PEPD: variants seen among roughly 807,000 people sequenced by gnomAD.
PEPD encodes peptidase D, also known as xaa-Pro dipeptidase.
Under a neutral mutation model 60.7 loss-of-function variants are expected in PEPD, and 53 were observed. That is an observed-to-expected ratio of 0.87 (90% confidence interval 0.70 to 1.10). The LOEUF (loss-of-function observed/expected upper bound fraction) is 1.10. PEPD is among the 50% of genes least tolerant of loss of function. The probability of loss-of-function intolerance (pLI) is 0.00; values close to 1 mark genes in which losing one functional copy is unlikely to be tolerated. For missense variants in PEPD, 711 were observed against 711.9 expected (o/e 1.00, Z 0.01); for synonymous variants, 267 against 284.1 (o/e 0.94, Z 0.60).
intron 6 of PEPD, 78 bp downstream of exon 6, chr19:33,489,918 G>C: frequency 1.2e-6 from 1 of 841,470 alleles, no homozygotes; most frequent in African/African-American, 1.7e-5. Context: ...TGTCTTATTT[G>C]TAGACCGGGA....
intron 11 of PEPD, among the ~76,000 whole-genome samples, chr19:33,408,499 C>G (rs1160508862): frequency 6.6e-6 from 1 of 152,214 alleles, no homozygotes; most frequent in African/African-American, 2.4e-5. Context: ...GGGGAGTGCT[C>G]ATATCTGGGA....
At chr19:33,443,737 AG>A (rs1969531797) in intron 9 of PEPD, among the ~76,000 whole-genome samples, 1 of 152,220 alleles carries the variant, frequency 6.6e-6, no homozygotes, top group Non-Finnish European at 1.5e-5. Context: ...TCTGACAGGC[AG>A]GTGCAGGGTG....
intron 11 of PEPD, among the ~76,000 whole-genome samples, chr19:33,410,362 C>A (rs1377964728): frequency 2.0e-5 from 3 of 152,142 alleles, no homozygotes; most frequent in Non-Finnish European, 4.4e-5. Context: ...GCAGGGAGGA[C>A]CCCGAGACTG....
intron 6 of PEPD, among the ~76,000 whole-genome samples, chr19:33,487,897 C>A (rs918777965): frequency 2.6e-5 from 4 of 151,974 alleles, no homozygotes; most frequent in Non-Finnish European, 5.9e-5. Flanking sequence ...GGGGGTAGAA[C>A]GAGACCTTTG....
intron 9 of PEPD, among the ~76,000 whole-genome samples, chr19:33,447,954 G>A (rs372866301): frequency 8.1e-4 from 124 of 152,278 alleles, no homozygotes; most frequent in African/African-American, 2.9e-3. Flanking sequence ...GCCTGCTGTC[G>A]GAGTATCTAA....
chr19:33,422,914 T>C (rs1969059935), intron 9 of PEPD, among the ~76,000 whole-genome samples: 1 of 152,012 alleles, frequency 6.6e-6, no homozygotes, highest in African/African-American at 2.4e-5. Flanking sequence ...TATTTCTGTA[T>C]CTACCTACGT....
intron 4 of PEPD, among the ~76,000 whole-genome samples, chr19:33,498,396 G>C (rs548209776): frequency 6.6e-6 from 1 of 152,270 alleles, no homozygotes; most frequent in African/African-American, 2.4e-5. Flanking sequence ...TAACACTCAA[G>C]GTGGCCTGTC....
intron 10 of PEPD, among the ~76,000 whole-genome samples, chr19:33,412,164 C>T (rs984683932): frequency 2.0e-5 from 3 of 152,094 alleles, no homozygotes; most frequent in African/African-American, 7.2e-5. Flanking sequence ...GGCAACATGG[C>T]GAAACCCTAC....
At chr19:33,405,526 A>C (rs4805881) in intron 11 of PEPD, among the ~76,000 whole-genome samples, 104,372 of 152,204 alleles carry the variant, frequency 0.69, 36,683 homozygotes, top group African/African-American at 0.83. Flanking sequence ...AGCAGGAAGC[A>C]CTTGCTTCTC....
At chr19:33,514,646 C>T (rs1970993226) in intron 1 of PEPD, among the ~76,000 whole-genome samples, 2 of 151,864 alleles carry the variant, frequency 1.3e-5, no homozygotes, top group African/African-American at 4.8e-5. Flanking sequence ...CAACGACAGG[C>T]ACATGAGGCT....
chr19:33,425,242 C>T (rs997793579), intron 9 of PEPD, among the ~76,000 whole-genome samples: 3 of 152,072 alleles, frequency 2.0e-5, no homozygotes, highest in South Asian at 2.1e-4. Context: ...TGGTGGCACA[C>T]ATCTGTAATG....
At chr19:33,488,212 T>A (rs1415073896) in intron 6 of PEPD, among the ~76,000 whole-genome samples, 3 of 152,122 alleles carry the variant, frequency 2.0e-5, no homozygotes, top group East Asian at 1.9e-4. Context: ...ATGGGGAGAC[T>A]GAGGCACAGA....
intron 5 of PEPD, among the ~76,000 whole-genome samples, 158 bp from the exon 6 acceptor site, chr19:33,490,215 G>A (rs1970473306): frequency 6.6e-6 from 1 of 152,130 alleles, no homozygotes; most frequent in South Asian, 2.1e-4. Context: ...CTCCAGGCCC[G>A]GCCCCAACAC....
chr19:33,422,221 C>T (rs1022381912), intron 9 of PEPD, among the ~76,000 whole-genome samples: 1 of 152,128 alleles, frequency 6.6e-6, no homozygotes, highest in African/African-American at 2.4e-5. Flanking sequence ...CTCTCTCTCC[C>T]CCTTCAGGTC....
intron 9 of PEPD, among the ~76,000 whole-genome samples, chr19:33,441,352 G>C (rs1969476580): frequency 6.6e-6 from 1 of 152,222 alleles, no homozygotes; most frequent in African/African-American, 2.4e-5. Flanking sequence ...TTATCAGCCA[G>C]CCCAGTAGTG....
chr19:33,515,068 C>T (rs770019689), intron 1 of PEPD, among the ~76,000 whole-genome samples: 2 of 152,200 alleles, frequency 1.3e-5, no homozygotes, highest in East Asian at 1.9e-4. Flanking sequence ...CCCGCCGCCT[C>T]GGGTGGAAAC....
intron 6 of PEPD, 151 bp downstream of exon 6, chr19:33,489,845 A>G (rs1970464542): frequency 1.6e-6 from 1 of 625,200 alleles, no homozygotes; most frequent in East Asian, 2.8e-5. Flanking sequence ...TTTTTGGCAA[A>G]TTATGCTTCT....
At chr19:33,409,915 G>A (rs1015687806) in intron 11 of PEPD, among the ~76,000 whole-genome samples, 2 of 152,226 alleles carry the variant, frequency 1.3e-5, no homozygotes, top group African/African-American at 2.4e-5. Flanking sequence ...GAGTGGGTGA[G>A]AAAATCCACA....
chr19:33,395,499 CA>C (rs1968338852), intron 12 of PEPD, among the ~76,000 whole-genome samples: 2 of 152,306 alleles, frequency 1.3e-5, no homozygotes, highest in East Asian at 3.9e-4. Flanking sequence ...CATGAAATGG[CA>C]GGGCTCAGAG....
Sources: gnomAD v4.1 joint callset for allele counts (sites outside exome capture counted in the v4.1 genomes callset) on GRCh38, gnomAD v4.1.1 for gene constraint, MANE v1.5 for transcripts, NCBI Gene and HGNC (gene_info 2026-07-23, HGNC 2026-07-21) for gene names.